RXRA: variants seen among roughly 807,000 people sequenced by gnomAD.
The protein encoded by RXRA is retinoic acid receptor RXR-alpha.
RXRA carries 5 observed loss-of-function variants against 44.5 expected under a neutral mutation model. The ratio of observed to expected loss-of-function variants is 0.11; its 90% CI spans 0.06 to 0.24. RXRA has a LOEUF of 0.24. Among genes scored for constraint, RXRA ranks in the 10% least tolerant of loss-of-function variants. The pLI is 1.00. For synonymous variants in RXRA, 291 were observed against 271.4 expected, an observed-to-expected ratio of 1.07 and a Z score of -0.71; for missense variants, 412 against 646.5, an observed-to-expected ratio of 0.64 and a Z score of 3.93.
At position 134,435,727 on chromosome 9, in the gene RXRA, A is replaced by G. The variant is rs1210975820; in HGVS notation, c.1242-740A>G. On this transcript the variant is annotated intron_variant, in intron 9 of 9. Coordinates refer to ENST00000481739, the MANE Select transcript of RXRA (RefSeq NM_002957.6). ...CTCTTTGACTTCTTGGTTGCCCACC[A>G]TGTGCCGGGCCTGTTCCCTGCGACT... 5.3e-5 allele frequency among the ~76,000 whole-genome samples: 8 copies of G among 151,812 alleles called. No homozygotes were observed. The East Asian group carries it at 9.7e-4, about 18-fold the overall frequency.
chr9:134,414,160 G>C (rs1831196057), intron 4 of RXRA, among the ~76,000 whole-genome samples: 1 of 152,244 alleles, frequency 6.6e-6, no homozygotes. Context: ...AGAGCTGCCA[G>C]GCCCTTCACA....
rs35362223 is a variant in RXRA at position 134,426,371 on chromosome 9, T to A, written c.911-2737T>A. On this transcript the variant is annotated intron_variant, in intron 6 of 9. Coordinates refer to ENST00000481739, the MANE Select transcript of RXRA (RefSeq NM_002957.6). This position sits in a 1 kb window ranked among gnomAD's most constrained non-coding sequence, Gnocchi z 4.6. ...CTGTAAAGTGGGTTCCTCTCCTATT[T>A]TTCTCTTACATCCGAGAAGGAGGAG... 1,101 of 985,442 alleles carry A rather than the reference T, an allele frequency of 1.1e-3. 13 individuals are homozygous for A. In the African/African-American group the frequency reaches 0.018, roughly 16 times the overall value. The allele number at this position is 985,442 out of a possible 1,614,324, so 61.0% of individuals were successfully genotyped here.
At chr9:134,335,602 T>C (rs1352356378) in intron 1 of RXRA, among the ~76,000 whole-genome samples, 1 of 152,150 alleles carries the variant, frequency 6.6e-6, no homozygotes, top group Non-Finnish European at 1.5e-5. Flanking sequence ...CCTGTGAGCA[T>C]GAGGCTATGG....
At position 134,425,669 on chromosome 9, in the gene RXRA, C is replaced by T. The variant is rs985487619; in HGVS notation, c.911-3439C>T. 2.0e-5 allele frequency: 20 copies of T among 985,092 alleles called. No homozygotes were observed. The African/African-American group carries it at 3.5e-4, about 17-fold the overall frequency. 61.0% of individuals were successfully genotyped at this position (985,092 alleles called of 1,614,324 possible). On this transcript the variant is annotated intron_variant, in intron 6 of 9. Coordinates refer to ENST00000481739, the MANE Select transcript of RXRA (RefSeq NM_002957.6). ...GCCCAAGGTCCCCCTGTGGGGACAGCACACCACTTTACTCCCCTGGTCTTG... is the reference window on the plus strand; with the variant it reads ...GCCCAAGGTCCCCCTGTGGGGACAGTACACCACTTTACTCCCCTGGTCTTG...
chr9:134,329,790 C>G (rs1554746437), intron 1 of RXRA, among the ~76,000 whole-genome samples: 2 of 152,194 alleles, frequency 1.3e-5, no homozygotes, highest in Admixed American at 6.5e-5. Flanking sequence ...CCCCATCTCC[C>G]CCGTGGCTGT....
intron 1 of RXRA, among the ~76,000 whole-genome samples, chr9:134,362,569 T>G (rs1830365282): frequency 6.6e-6 from 1 of 152,232 alleles, no homozygotes; most frequent in Non-Finnish European, 1.5e-5. Context: ...CTTCATGGGT[T>G]TCATGGAGTG....
At chr9:134,408,364 G>A in intron 3 of RXRA, 65 bp downstream of exon 3, 5 of 1,496,748 alleles carry the variant, frequency 3.3e-6, no homozygotes, top group Non-Finnish European at 4.5e-6. Flanking sequence ...AGGGTCTGGA[G>A]GCCTCCCCAA....
chr9:134,358,630 T>C (rs1490025345), intron 1 of RXRA, among the ~76,000 whole-genome samples: 1 of 152,210 alleles, frequency 6.6e-6, no homozygotes, highest in Non-Finnish European at 1.5e-5. Flanking sequence ...TTGGATGCTG[T>C]TCCAGCCCAG....
intron 1 of RXRA, among the ~76,000 whole-genome samples, chr9:134,339,755 G>A (rs1554747882): frequency 6.6e-6 from 1 of 150,882 alleles, no homozygotes; most frequent in Non-Finnish European, 1.5e-5. Flanking sequence ...GATCCCGTGT[G>A]TGTCTGTGCA....
chr9:134,374,082 G>A (rs529500997), intron 1 of RXRA: 1 of 152,202 alleles, frequency 6.6e-6, no homozygotes, highest in Admixed American at 6.5e-5. Context: ...GGCTGTCCAC[G>A]TGGCTGTCTG....
At chr9:134,421,132 C>T (rs1046450089) in intron 5 of RXRA, among the ~76,000 whole-genome samples, 15 of 152,240 alleles carry the variant, frequency 9.9e-5, no homozygotes, top group African/African-American at 3.6e-4. Context: ...GAGACTCGTG[C>T]GTCCTGCTGT....
rs1242811140 is a variant in RXRA at position 134,426,138 on chromosome 9, C to A, written c.911-2970C>A. 7 of 985,266 alleles carry A rather than the reference C, an allele frequency of 7.1e-6. No homozygotes were observed. Among genetic ancestry groups the A allele is most frequent in the Non-Finnish European group, 8.4e-6 (7 of 829,936 alleles). The allele number at this position is 985,266 out of a possible 1,614,324, so 61.0% of individuals were successfully genotyped here. ...TTGGAGGACATAGTGACCAAGGGAG[C>A]AGCCCCAGGCAAGACTCTTTGTCCT... On this transcript the variant is annotated intron_variant, in intron 6 of 9. Transcript: ENST00000481739. This position sits in a 1 kb window ranked among gnomAD's most constrained non-coding sequence, Gnocchi z 4.6.
At chr9:134,391,604 G>A (rs924134748) in intron 1 of RXRA, among the ~76,000 whole-genome samples, 2 of 152,146 alleles carry the variant, frequency 1.3e-5, no homozygotes, top group Admixed American at 1.3e-4. Context: ...CAGTTCAGGG[G>A]TACGGCCTGG....
In RXRA at chr9:134,401,669, G is replaced by A. The variant is rs778149927; in HGVS notation, c.66G>A (p.Pro22=). The A allele has an allele frequency of 2.4e-5, 38 of 1,612,850 alleles. No homozygotes were observed. The highest frequency in any genetic ancestry group is 2.7e-5 in the Non-Finnish European group (32 of 1,179,936). The change falls in exon 2 of 10, where the codon CCG becomes CCA. Residue 22 remains proline (P), a synonymous_variant. Coordinates refer to ENST00000481739, the MANE Select transcript of RXRA (RefSeq NM_002957.6). ...AGGTGAACTCCTCCCTCACCTCCCC[G>A]ACGGGGCGAGGCTCCATGGCTGCCC... ...STQVNSSLTS[P]TGRGSMAAPS...
chr9:134,392,744 A>T (rs935339778), intron 1 of RXRA, among the ~76,000 whole-genome samples: 10 of 152,146 alleles, frequency 6.6e-5, no homozygotes, highest in African/African-American at 2.2e-4. Flanking sequence ...GGCCAGCCTC[A>T]GATTTGCGGT....
At chr9:134,354,698 A>C (rs1278561338) in intron 1 of RXRA, among the ~76,000 whole-genome samples, 1 of 152,188 alleles carries the variant, frequency 6.6e-6, no homozygotes, top group Non-Finnish European at 1.5e-5. Context: ...TGTGCTGTGC[A>C]CTGGCCTTCG....
intron 4 of RXRA, among the ~76,000 whole-genome samples, chr9:134,410,197 G>A (rs763896282): frequency 1.3e-5 from 2 of 152,256 alleles, no homozygotes; most frequent in Non-Finnish European, 2.9e-5. Flanking sequence ...TGAGTGTGGT[G>A]TATGGGCTGG....
Position 134,436,325 on chromosome 9 carries a change from G to C in RXRA, c.1242-142G>C, listed in dbSNP as rs1052169596. On this transcript the variant is annotated intron_variant, in intron 9 of 9. Coordinates refer to ENST00000481739, the MANE Select transcript of RXRA (RefSeq NM_002957.6). ...CTCCCCTCCTTCCTTCTGGAGGCTT[G>C]GCATAGGCAGATTCAGGGCTACAGA... The C allele has an allele frequency of 3.8e-6, 3 of 791,076 alleles. No individual in the cohort carries two copies. In the African/African-American group the frequency reaches 5.1e-5, roughly 14 times the overall value. 49.0% of individuals were successfully genotyped at this position (791,076 alleles called of 1,614,324 possible).
intron 1 of RXRA, among the ~76,000 whole-genome samples, chr9:134,391,090 T>TG: frequency 6.6e-6 from 1 of 152,112 alleles, no homozygotes; most frequent in Admixed American, 6.5e-5. Flanking sequence ...CTGCAAATGG[T>TG]GCTGCTCAGC....
Sources: gnomAD v4.1 joint callset for allele counts (sites outside exome capture counted in the v4.1 genomes callset) on GRCh38, gnomAD v4.1.1 for gene constraint, Gnocchi (gnomAD v3.1) non-coding constraint, MANE v1.5 for transcripts, NCBI Gene and HGNC (gene_info 2026-07-23, HGNC 2026-07-21) for gene names.